Variants in ZNF804B observed in about 807,000 individuals in gnomAD.
ZNF804B encodes the protein zinc finger protein 804B, also known as zinc finger 804B.
Under a neutral mutation model 101.4 loss-of-function variants are expected in ZNF804B, and 80 were observed. The ratio of observed to expected loss-of-function variants is 0.79; its 90% CI spans 0.66 to 0.95. ZNF804B has a LOEUF of 0.95. Among genes scored for constraint, ZNF804B ranks in the 40% least tolerant of loss-of-function variants. The probability of loss-of-function intolerance (pLI) is 0.00; values close to 1 mark genes in which losing one functional copy is unlikely to be tolerated. For missense variants in ZNF804B, 1,673 were observed against 1,561.9 expected, an observed-to-expected ratio of 1.07 and a Z score of -1.20; for synonymous variants, 622 against 558.8, an observed-to-expected ratio of 1.11 and a Z score of -1.59.
intron 1 of ZNF804B, among the ~76,000 whole-genome samples, chr7:88,985,155 A>G (rs1793742017): frequency 6.6e-6 from 1 of 151,872 alleles, no homozygotes. Context: ...TTTGATAACT[A>G]TATGAATTAA....
chr7:89,250,791 G>A (rs1789527992), intron 2 of ZNF804B, among the ~76,000 whole-genome samples: 1 of 152,106 alleles, frequency 6.6e-6, no homozygotes, highest in Admixed American at 6.5e-5. Flanking sequence ...TTCAACATAT[G>A]CAAATCAATA....
At chr7:89,045,877 G>C (rs1400554001) in intron 1 of ZNF804B, among the ~76,000 whole-genome samples, 1 of 152,090 alleles carries the variant, frequency 6.6e-6, no homozygotes, top group African/African-American at 2.4e-5. Context: ...GGGAATGTTG[G>C]AAAGGGCACA....
intron 1 of ZNF804B, among the ~76,000 whole-genome samples, chr7:88,967,040 G>C (rs1182014678): frequency 6.6e-6 from 1 of 151,098 alleles, no homozygotes; most frequent in Non-Finnish European, 1.5e-5. Context: ...CTTTTAAATG[G>C]TCACTTTGGA....
intron 2 of ZNF804B, among the ~76,000 whole-genome samples, chr7:89,287,224 GT>G (rs1790214395): frequency 6.6e-6 from 1 of 152,108 alleles, no homozygotes; most frequent in Non-Finnish European, 1.5e-5. Context: ...TAGTAGTTAT[GT>G]TTTTGGGGAA....
chr7:89,304,503 C>T (rs142122462), intron 2 of ZNF804B, among the ~76,000 whole-genome samples: 1 of 150,844 alleles, frequency 6.6e-6, no homozygotes, highest in East Asian at 1.9e-4. Context: ...AATAGAAGTG[C>T]AGAGGATGTG....
chr7:89,136,736 AGTGTGTGT>A (rs3059353), intron 1 of ZNF804B, among the ~76,000 whole-genome samples: 103 of 145,670 alleles, frequency 7.1e-4, no homozygotes, highest in African/African-American at 2.4e-3. Flanking sequence ...TGTGTGTGTG[AGTGTGTGT>A]GTGTGTGTGT....
At chr7:88,808,485 C>T (rs146062056) in intron 1 of ZNF804B, among the ~76,000 whole-genome samples, 78 of 151,220 alleles carry the variant, frequency 5.2e-4, no homozygotes, top group African/African-American at 1.8e-3. Flanking sequence ...ATCATCTTGT[C>T]TAGGGTAGAG....
intron 1 of ZNF804B, among the ~76,000 whole-genome samples, chr7:89,012,232 G>C (rs1584071577): frequency 6.6e-6 from 1 of 152,058 alleles, no homozygotes; most frequent in Non-Finnish European, 1.5e-5. Flanking sequence ...CCTGGGCCCT[G>C]GCCACAAAAC....
intron 2 of ZNF804B, among the ~76,000 whole-genome samples, chr7:89,308,790 A>C (rs925469155): frequency 3.3e-5 from 5 of 152,156 alleles, no homozygotes; most frequent in Non-Finnish European, 7.3e-5. Context: ...GCAAGGATTC[A>C]ACTCTGCCAA....
intron 1 of ZNF804B, among the ~76,000 whole-genome samples, chr7:89,149,027 T>C (rs1790831742): frequency 6.6e-6 from 1 of 152,092 alleles, no homozygotes; most frequent in African/African-American, 2.4e-5. Flanking sequence ...GATTTTTTGC[T>C]TTTGGCTCCT....
At chr7:89,112,847 G>A (rs755309219) in intron 1 of ZNF804B, among the ~76,000 whole-genome samples, 8 of 152,134 alleles carry the variant, frequency 5.3e-5, no homozygotes, top group Admixed American at 2.6e-4. Flanking sequence ...GGGTATAAAC[G>A]GAGGTACAGA....
At chr7:88,996,952 G>A (rs1788209534) in intron 1 of ZNF804B, among the ~76,000 whole-genome samples, 2 of 152,046 alleles carry the variant, frequency 1.3e-5, no homozygotes. Context: ...CACGGTAAAA[G>A]TTATGTGCGC....
intron 1 of ZNF804B, among the ~76,000 whole-genome samples, chr7:88,945,695 C>G (rs1226769958): frequency 1.3e-5 from 2 of 152,100 alleles, no homozygotes; most frequent in Admixed American, 1.3e-4. Flanking sequence ...TGGCCATTTT[C>G]ATGATATTGA....
intron 1 of ZNF804B, among the ~76,000 whole-genome samples, chr7:88,795,456 C>T (rs1790465418): frequency 6.6e-6 from 1 of 151,978 alleles, no homozygotes. Flanking sequence ...GTAAACATTT[C>T]AAGGGAAAAG....
chr7:89,247,261 G>A (rs1436678228), intron 2 of ZNF804B, among the ~76,000 whole-genome samples: 1 of 152,182 alleles, frequency 6.6e-6, no homozygotes, highest in Non-Finnish European at 1.5e-5. Context: ...TTGTTTATCA[G>A]GGCCCCCACC....
intron 1 of ZNF804B, among the ~76,000 whole-genome samples, chr7:88,976,641 C>T (rs1793619073): frequency 6.6e-6 from 1 of 151,428 alleles, no homozygotes; most frequent in Non-Finnish European, 1.5e-5. Flanking sequence ...TGAACTCTTT[C>T]AGTTTTTCCA....
chr7:88,929,302 A>T (rs908752875), intron 1 of ZNF804B, among the ~76,000 whole-genome samples: 2 of 151,638 alleles, frequency 1.3e-5, no homozygotes, highest in Non-Finnish European at 2.9e-5. Context: ...CAGTCAAAAA[A>T]TCTTAGTGAA....
At chr7:88,849,141 G>T (rs1245368442) in intron 1 of ZNF804B, among the ~76,000 whole-genome samples, 1 of 151,926 alleles carries the variant, frequency 6.6e-6, no homozygotes, top group Non-Finnish European at 1.5e-5. Flanking sequence ...ATTTTCTTGG[G>T]TATGTACACT....
chr7:88,990,874 A>T (rs568893619), intron 1 of ZNF804B, among the ~76,000 whole-genome samples: 1 of 152,278 alleles, frequency 6.6e-6, no homozygotes, highest in South Asian at 2.1e-4. Context: ...TGCCTAAACT[A>T]AGCAATGGCT....
Sources: allele counts gnomAD v4.1 joint callset (sites outside exome capture counted in the v4.1 genomes callset), GRCh38; gene constraint gnomAD v4.1.1; transcripts MANE v1.5; gene names NCBI Gene and HGNC (gene_info 2026-07-23, HGNC 2026-07-21).